PDE8A: variants seen among roughly 807,000 people sequenced by gnomAD.
PDE8A encodes phosphodiesterase 8A.
PDE8A carries 59 observed loss-of-function variants against 105.0 expected under a neutral mutation model. The ratio of observed to expected loss-of-function variants is 0.56; its 90% CI spans 0.46 to 0.70. The LOEUF is 0.70. Ranked by LOEUF, PDE8A falls within the 30% of genes least tolerant of loss-of-function variation. The pLI, the probability that PDE8A is intolerant of heterozygous loss-of-function variation, is 0.00. For missense variants in PDE8A, 1,014 were observed against 1,045.9 expected (o/e 0.97, Z 0.42); for synonymous variants, 355 against 371.9 (o/e 0.95, Z 0.52).
chr15:85,079,587 A>C (rs769304983), intron 5 of PDE8A, among the ~76,000 whole-genome samples: 2 of 152,238 alleles, frequency 1.3e-5, no homozygotes, highest in Non-Finnish European at 2.9e-5. Flanking sequence ...ACAACAGTGT[A>C]AAATCAGTGA....
chr15:84,992,654 CTT>C (rs1293312812), intron 1 of PDE8A, among the ~76,000 whole-genome samples: 2 of 152,128 alleles, frequency 1.3e-5, no homozygotes, highest in East Asian at 3.9e-4. Flanking sequence ...GTATGACTAA[CTT>C]AGTGCAGTAG....
intron 20 of PDE8A, among the ~76,000 whole-genome samples, chr15:85,134,791 G>A (rs114252858): frequency 0.013 from 1,935 of 152,276 alleles, 28 homozygotes; most frequent in Middle Eastern, 0.034. Flanking sequence ...TGGAGAGCCG[G>A]AGTGAGTTGT....
chr15:85,041,394 G>A (rs2080805873), intron 1 of PDE8A, among the ~76,000 whole-genome samples: 1 of 152,124 alleles, frequency 6.6e-6, no homozygotes, highest in Non-Finnish European at 1.5e-5. Context: ...CTGCTCTCTC[G>A]TGACCTGCCA....
Position 85,113,892 on chromosome 15 carries a change from C to A in PDE8A, c.1205C>A (p.Ala402Asp). ...ATGTAGGTAATCAATATTATCAATG[C>A]TGCCCAGGAAAGTAGTCCCATGCCT... The part of the protein sequence containing the change: ...PITKVINIIN[A>D]AQESSPMPVT... Residue 402 changes from alanine (A) to aspartate (D), a missense_variant, in exon 14 of 22, where the codon GCT becomes GAT. By Grantham distance (126) the Ala-to-Asp change is moderately radical (BLOSUM62 -2). Transcript: ENST00000394553. The A allele has an allele frequency of 6.2e-7, 1 of 1,612,118 alleles. No individual in the cohort carries two copies.
intron 7 of PDE8A, chr15:85,090,695 C>T (rs2081627358): frequency 2.4e-6 from 1 of 415,642 alleles, no homozygotes. Context: ...ATCATCCCCC[C>T]ACCCCCACCC....
chr15:85,094,977 A>G (rs113350832), intron 8 of PDE8A, among the ~76,000 whole-genome samples: 7 of 152,288 alleles, frequency 4.6e-5, no homozygotes, highest in African/African-American at 1.7e-4. Flanking sequence ...TTTCCCATTC[A>G]GTAACAAAAG....
intron 3 of PDE8A, among the ~76,000 whole-genome samples, chr15:85,069,407 T>C (rs2081279332): frequency 6.6e-6 from 1 of 152,208 alleles, no homozygotes; most frequent in African/African-American, 2.4e-5. Flanking sequence ...TTGTCCACAG[T>C]TGGCGCACAG....
intron 1 of PDE8A, among the ~76,000 whole-genome samples, chr15:84,987,124 G>A (rs1415881051): frequency 6.6e-5 from 10 of 152,258 alleles, no homozygotes; most frequent in Admixed American, 5.9e-4. Flanking sequence ...AGAGCTCAGG[G>A]GTTGTGAGTT....
At chr15:84,983,580 C>G (rs1478539648) in intron 1 of PDE8A, among the ~76,000 whole-genome samples, 1 of 152,176 alleles carries the variant, frequency 6.6e-6, no homozygotes, top group Non-Finnish European at 1.5e-5. Context: ...AAATTGAATT[C>G]CTTCTCCTAT....
intron 1 of PDE8A, among the ~76,000 whole-genome samples, chr15:85,058,848 G>A (rs570461633): frequency 6.6e-6 from 1 of 152,144 alleles, no homozygotes; most frequent in East Asian, 1.9e-4. Flanking sequence ...CAAAGAACCA[G>A]CTTTTGGTTT....
chr15:85,025,487 A>G (rs2080501189), intron 1 of PDE8A, among the ~76,000 whole-genome samples: 1 of 152,118 alleles, frequency 6.6e-6, no homozygotes, highest in Non-Finnish European at 1.5e-5. Context: ...GTGACATTTA[A>G]AGAAAGAAAC....
At chr15:85,060,471 TAAGAACTGTTTAC>T (rs1304121391) in intron 1 of PDE8A, among the ~76,000 whole-genome samples, 2 of 152,204 alleles carry the variant, frequency 1.3e-5, no homozygotes, top group African/African-American at 4.8e-5. Flanking sequence ...AATACAGCAT[TAAGAACTGTTTAC>T]ATAGCATTAC....
At chr15:85,134,682 A>C (rs913450358) in intron 20 of PDE8A, among the ~76,000 whole-genome samples, 3 of 152,196 alleles carry the variant, frequency 2.0e-5, no homozygotes, top group South Asian at 2.1e-4. Flanking sequence ...GTCAACACTT[A>C]CCTAGCATAC....
At chr15:85,093,336 C>T (rs928938452) in intron 8 of PDE8A, among the ~76,000 whole-genome samples, 8 of 152,194 alleles carry the variant, frequency 5.3e-5, no homozygotes, top group Non-Finnish European at 1.0e-4. Context: ...CAGGGCAGGC[C>T]GCTGAGCTGG....
At position 85,039,492 on chromosome 15, in the gene PDE8A, C is replaced by T. The variant is rs536299103; in HGVS notation, c.187-24878C>T. Among the ~76,000 whole-genome samples, 17 of 151,586 alleles carry T rather than the reference C, an allele frequency of 1.1e-4. No homozygotes were observed. The South Asian group carries it at 1.5e-3, about 13-fold the overall frequency. ...GTGGAGGAGAGAAGGGAACTTCACA[C>T]GCTGTTAGTAGTATTGTAAATATAT... is the stretch of plus-strand genomic sequence containing the variant. On this transcript the variant is annotated intron_variant, in intron 1 of 21. Transcript: ENST00000394553.
intron 1 of PDE8A, among the ~76,000 whole-genome samples, chr15:85,050,472 A>C (rs11852878): frequency 0.11 from 16,452 of 152,160 alleles, 1,690 homozygotes; most frequent in African/African-American, 0.27. Context: ...TCTTCAATCC[A>C]TTTTGAATAA....
intron 16 of PDE8A, among the ~76,000 whole-genome samples, chr15:85,117,136 C>T (rs1358473109): frequency 6.6e-6 from 1 of 152,196 alleles, no homozygotes; most frequent in African/African-American, 2.4e-5. Context: ...TTAACGCCCA[C>T]CTCCAGAAAG....
At chr15:85,003,833 A>G (rs1168309884) in intron 1 of PDE8A, among the ~76,000 whole-genome samples, 4 of 152,210 alleles carry the variant, frequency 2.6e-5, no homozygotes, top group Non-Finnish European at 4.4e-5. Flanking sequence ...TCCTTAGAGA[A>G]GAGTGGAAGA....
chr15:84,994,704 C>T (rs1252875379), intron 1 of PDE8A, among the ~76,000 whole-genome samples: 3 of 152,158 alleles, frequency 2.0e-5, no homozygotes, highest in African/African-American at 2.4e-5. Flanking sequence ...CGGTGGCTCA[C>T]GCCTGTAATC....
Sources: gnomAD v4.1 joint callset for allele counts (sites outside exome capture counted in the v4.1 genomes callset) on GRCh38, gnomAD v4.1.1 for gene constraint, MANE v1.5 for transcripts, NCBI Gene and HGNC (gene_info 2026-07-23, HGNC 2026-07-21) for gene names.